The following SNAP25 variants were observed in gnomAD, a reference collection of about 807,000 sequenced individuals.
SNAP25 encodes synaptosome associated protein 25, also known as synaptosomal-associated protein 25.
Under a neutral mutation model 28.7 loss-of-function variants are expected in SNAP25, and 3 were observed. The ratio of observed to expected loss-of-function variants is 0.10; its 90% CI spans 0.05 to 0.27. The LOEUF is 0.27. SNAP25 is among the 10% of genes least tolerant of loss of function. The pLI is 1.00. For missense variants in SNAP25, 117 were observed against 278.7 expected (o/e 0.42, Z 4.13); for synonymous variants, 61 against 88.1 (o/e 0.69, Z 1.72).
At chr20:10,227,440 T>G (rs941310046) in intron 1 of SNAP25, among the ~76,000 whole-genome samples, 1 of 152,144 alleles carries the variant, frequency 6.6e-6, no homozygotes, top group African/African-American at 2.4e-5. Context: ...TCTACCACTG[T>G]AAGTAATCCT....
At chr20:10,290,691 A>T (rs752700315) in intron 4 of SNAP25, among the ~76,000 whole-genome samples, 5 of 151,852 alleles carry the variant, frequency 3.3e-5, no homozygotes, top group Non-Finnish European at 5.9e-5. Context: ...CTTAGGAGAA[A>T]CTCCTCAAGA....
chr20:10,220,265 A>G (rs999047063), intron 1 of SNAP25, among the ~76,000 whole-genome samples: 2 of 152,236 alleles, frequency 1.3e-5, no homozygotes, highest in African/African-American at 4.8e-5. Context: ...CATGAATACA[A>G]GCATTCATCC....
At chr20:10,258,284 G>A (rs917352056) in intron 1 of SNAP25, among the ~76,000 whole-genome samples, 2 of 152,164 alleles carry the variant, frequency 1.3e-5, no homozygotes, top group African/African-American at 4.8e-5. Flanking sequence ...TATTATGTAT[G>A]AATTCTCTTT....
chr20:10,260,835 G>C (rs6039793), intron 1 of SNAP25, among the ~76,000 whole-genome samples: 134,988 of 152,140 alleles, frequency 0.89, 59,985 homozygotes, highest in Middle Eastern at 0.95. Context: ...AAAAATTATT[G>C]CTAACATCCA....
intron 1 of SNAP25, among the ~76,000 whole-genome samples, chr20:10,273,590 G>T (rs1000067906): frequency 1.4e-4 from 21 of 152,168 alleles, no homozygotes; most frequent in Non-Finnish European, 2.5e-4. Flanking sequence ...GAGAAACAGA[G>T]GGAGGAGAAT....
rs1353376369 is a variant in SNAP25, at chr20:10,306,369, T to C, written c.*172T>C. 12 of 591,570 alleles carry C rather than the reference T, an allele frequency of 2.0e-5. No individual in the cohort carries two copies. The highest frequency in any genetic ancestry group is 1.7e-4 in the South Asian group (7 of 40,514). 36.6% of individuals were successfully genotyped at this position (591,570 alleles called of 1,614,324 possible). On this transcript the variant is annotated 3_prime_UTR_variant, in exon 8 of 8. Transcript: ENST00000254976. The stretch of plus-strand genomic sequence containing the variant: ...TCCCAACAATACTTTGTGTCTTTTG[T>C]TCTCTCTTGGTCTCTTTCTTTCCAA...
intron 1 of SNAP25, among the ~76,000 whole-genome samples, chr20:10,252,106 G>A (rs1296531671): frequency 6.6e-6 from 1 of 152,170 alleles, no homozygotes; most frequent in Admixed American, 6.5e-5. Context: ...GAAACATTCT[G>A]TACATCTGCA....
intron 1 of SNAP25, among the ~76,000 whole-genome samples, chr20:10,221,861 C>T (rs1471869875): frequency 6.6e-6 from 1 of 151,954 alleles, no homozygotes; most frequent in Non-Finnish European, 1.5e-5. Context: ...TAGGTTTTGA[C>T]GATTAGTAGA....
Position 10,306,453 on chromosome 20 carries a change from T to C in SNAP25, c.*256T>C. 1 of 371,468 alleles carries C rather than the reference T, an allele frequency of 2.7e-6. No individual in the cohort carries two copies. The highest frequency in any genetic ancestry group is 4.9e-6 in the Non-Finnish European group (1 of 205,254). The allele number at this position is 371,468 out of a possible 1,614,324, so 23.0% of individuals were successfully genotyped here. ...CTCCTTGAGGTCTTGAGTTTCATTT[T>C]TCATTTTCTCTCCTCGGTGGCATTT... On this transcript the variant is annotated 3_prime_UTR_variant, in exon 8 of 8. Transcript: ENST00000254976.
chr20:10,260,724 A>AAC (rs368209820), intron 1 of SNAP25, among the ~76,000 whole-genome samples: 9 of 78,406 alleles, frequency 1.1e-4, no homozygotes, highest in African/African-American at 2.9e-4. Context: ...CACACACACA[A>AAC]ACACACACAC....
intron 1 of SNAP25, among the ~76,000 whole-genome samples, chr20:10,246,459 A>C (rs1402268488): frequency 6.6e-6 from 1 of 152,208 alleles, no homozygotes; most frequent in Non-Finnish European, 1.5e-5. Flanking sequence ...ACGTTTATCT[A>C]AAACGTCTTA....
chr20:10,244,059 C>A (rs1187833048), intron 1 of SNAP25, among the ~76,000 whole-genome samples: 1 of 152,178 alleles, frequency 6.6e-6, no homozygotes, highest in Non-Finnish European at 1.5e-5. Flanking sequence ...TTTGTCTCAG[C>A]CTCAATTTCC....
At chr20:10,244,687 GAC>G (rs1054533927) in intron 1 of SNAP25, among the ~76,000 whole-genome samples, 2 of 151,926 alleles carry the variant, frequency 1.3e-5, no homozygotes, top group African/African-American at 4.8e-5. Flanking sequence ...AACCCAGTGA[GAC>G]ATAACATCTG....
chr20:10,292,838 C>T, intron 4 of SNAP25: 1 of 1,285,372 alleles, frequency 7.8e-7, no homozygotes, highest in South Asian at 1.3e-5. Context: ...GTTGGAGACC[C>T]CCAAAAAATT....
At chr20:10,227,542 T>C (rs2062755414) in intron 1 of SNAP25, among the ~76,000 whole-genome samples, 1 of 152,158 alleles carries the variant, frequency 6.6e-6, no homozygotes, top group Non-Finnish European at 1.5e-5. Flanking sequence ...GGAATAAAAT[T>C]ATGTCCCAAG....
chr20:10,269,461 T>G (rs2063556432), intron 1 of SNAP25, among the ~76,000 whole-genome samples: 1 of 152,024 alleles, frequency 6.6e-6, no homozygotes, highest in African/African-American at 2.4e-5. Flanking sequence ...CCTTAGAAGC[T>G]CCATGAAAAG....
At chr20:10,233,175 A>G (rs928655625) in intron 1 of SNAP25, among the ~76,000 whole-genome samples, 1 of 152,136 alleles carries the variant, frequency 6.6e-6, no homozygotes, top group African/African-American at 2.4e-5. Context: ...TATCATGACC[A>G]TATTATGTGC....
intron 1 of SNAP25, among the ~76,000 whole-genome samples, chr20:10,272,536 G>A (rs1205708820): frequency 6.6e-6 from 1 of 152,158 alleles, no homozygotes; most frequent in East Asian, 1.9e-4. Context: ...AGATTCTGGA[G>A]TGACTTGGTG....
In SNAP25 at chr20:10,306,477, T is replaced by G. The variant is rs1027176658; in HGVS notation, c.*280T>G. ...TTTCATTTTCTCTCCTCGGTGGCAT[T>G]TGCTGAATAACAACAATTTAGGAAT... On this transcript the variant is annotated 3_prime_UTR_variant, in exon 8 of 8. Transcript: ENST00000254976. 3.1e-6 allele frequency: 1 copy of G among 320,328 alleles called. No homozygotes were observed. The highest frequency in any genetic ancestry group is 5.4e-5 in the East Asian group (1 of 18,658). The allele number at this position is 320,328 out of a possible 1,614,324, so 19.8% of individuals were successfully genotyped here. A position where few individuals can be genotyped will look rare whatever the true frequency, so the allele number is the denominator to read the frequency against.
Sources: allele counts gnomAD v4.1 joint callset (sites outside exome capture counted in the v4.1 genomes callset), GRCh38; gene constraint gnomAD v4.1.1; transcripts MANE v1.5; gene names NCBI Gene and HGNC (gene_info 2026-07-23, HGNC 2026-07-21).